The following LOC400499 variants were observed in gnomAD, a reference collection of about 807,000 sequenced individuals.
chr16:11,376,939 G>C, the LOC400499 span, among the ~76,000 whole-genome samples: 1 of 87,084 alleles, frequency 1.1e-5, no homozygotes, highest in African/African-American at 3.9e-5. Flanking sequence ...ATTGTAAATG[G>C]ACTTTTTTTT....
the LOC400499 span, among the ~76,000 whole-genome samples, chr16:11,421,506 A>G: frequency 6.6e-6 from 1 of 151,784 alleles, no homozygotes; most frequent in Non-Finnish European, 1.5e-5. Context: ...GGTTCAAACG[A>G]TTCTCCTGCC....
the LOC400499 span, chr16:11,380,732 A>T: frequency 7.2e-5 from 11 of 152,078 alleles, no homozygotes; most frequent in African/African-American, 2.4e-4. Context: ...GAGGGAGAGG[A>T]CCTTAACTGC....
chr16:11,388,785 C>A, the LOC400499 span, among the ~76,000 whole-genome samples: 1 of 152,186 alleles, frequency 6.6e-6, no homozygotes, highest in Non-Finnish European at 1.5e-5. Flanking sequence ...TCTGCTCCAG[C>A]CCTGCTGGCT....
At chr16:11,383,588 C>A in the LOC400499 span, 3 of 1,231,666 alleles carry the variant, frequency 2.4e-6, no homozygotes, top group Non-Finnish European at 3.0e-6. Flanking sequence ...TTCCCTCTGG[C>A]CTGGAAGGCA....
At chr16:11,385,867 C>T in the LOC400499 span, among the ~76,000 whole-genome samples, 62 of 152,266 alleles carry the variant, frequency 4.1e-4, no homozygotes, top group African/African-American at 1.4e-3. Context: ...GCCACTGAAT[C>T]GTACACTTAA....
At chr16:11,372,320 C>G in the LOC400499 span, 1 of 152,276 alleles carries the variant, frequency 6.6e-6, no homozygotes, top group Non-Finnish European at 1.5e-5. Flanking sequence ...CAGCTGAGGA[C>G]CTGGCTTCGT....
the LOC400499 span, chr16:11,502,156 C>G: frequency 3.0e-5 from 12 of 399,136 alleles, no homozygotes; most frequent in Non-Finnish European, 5.3e-5. Flanking sequence ...AGCTGGGACA[C>G]CAGTGTCAGG....
the LOC400499 span, among the ~76,000 whole-genome samples, chr16:11,502,917 C>CTTTTTTTTT: frequency 1.8e-4 from 18 of 98,014 alleles, 2 homozygotes; most frequent in African/African-American, 2.9e-4. Context: ...CCTGGACCAC[C>CTTTTTTTTT]TTTTTTTTTT....
the LOC400499 span, chr16:11,448,987 G>A: frequency 2.0e-6 from 3 of 1,521,252 alleles, no homozygotes; most frequent in East Asian, 4.9e-5. Context: ...CAGCAGTTCA[G>A]GATCTTACGG....
the LOC400499 span, among the ~76,000 whole-genome samples, chr16:11,515,151 T>C: frequency 2.0e-5 from 3 of 151,984 alleles, no homozygotes; most frequent in African/African-American, 7.3e-5. Context: ...ACTAAAATTT[T>C]TTTTAAAAAA....
At chr16:11,431,025 C>A in the LOC400499 span, 1 of 399,100 alleles carries the variant, frequency 2.5e-6, no homozygotes, top group South Asian at 1.3e-4. Context: ...TGGCGTTCCC[C>A]AGGCCCTCAC....
the LOC400499 span, among the ~76,000 whole-genome samples, chr16:11,463,423 T>C: frequency 7.0e-6 from 1 of 142,146 alleles, no homozygotes; most frequent in East Asian, 1.9e-4. Context: ...TACAGATGTA[T>C]CTGTACATGG....
chr16:11,482,709 A>C, the LOC400499 span, among the ~76,000 whole-genome samples: 37,033 of 151,714 alleles, frequency 0.24, 4,741 homozygotes, highest in African/African-American at 0.32. Flanking sequence ...TGGGCAACAC[A>C]GTGAGACCCC....
At chr16:11,476,230 T>G in the LOC400499 span, among the ~76,000 whole-genome samples, 1 of 151,846 alleles carries the variant, frequency 6.6e-6, no homozygotes, top group Non-Finnish European at 1.5e-5. Context: ...AGAGTCCCCA[T>G]GGAGCAGGAC....
the LOC400499 span, among the ~76,000 whole-genome samples, chr16:11,372,939 C>T: frequency 2.0e-5 from 3 of 152,226 alleles, no homozygotes; most frequent in East Asian, 5.8e-4. Flanking sequence ...AGCTGCAGGG[C>T]CTTTGCAGGC....
the LOC400499 span, chr16:11,485,111 C>A: frequency 5.0e-6 from 2 of 398,784 alleles, no homozygotes; most frequent in Non-Finnish European, 8.8e-6. Context: ...AGGAACAATT[C>A]AGTCACAGGG....
At chr16:11,527,419 A>G in the LOC400499 span, among the ~76,000 whole-genome samples, 1 of 152,050 alleles carries the variant, frequency 6.6e-6, no homozygotes. Context: ...CAATGAGGGG[A>G]AAAAAAGCCT....
At chr16:11,405,000 G>A in the LOC400499 span, 1 of 396,702 alleles carries the variant, frequency 2.5e-6, no homozygotes, top group Non-Finnish European at 4.4e-6. Context: ...GGTGACATAT[G>A]TCAGGGGATC....
At chr16:11,407,333 T>G in the LOC400499 span, 1 of 384,550 alleles carries the variant, frequency 2.6e-6, no homozygotes. Flanking sequence ...CTTGGAGTAG[T>G]GTAGCTGGGT....
Sources: allele counts gnomAD v4.1 joint callset (sites outside exome capture counted in the v4.1 genomes callset), GRCh38; gene constraint gnomAD v4.1.1; transcripts MANE v1.5.